ABHD8: variants seen among roughly 807,000 people sequenced by gnomAD.
ABHD8 encodes the protein abhydrolase domain containing 8.
In ABHD8, 10 loss-of-function variants were observed where a neutral mutation model predicts 29.3. The ratio of observed to expected loss-of-function variants is 0.34; its 90% confidence interval spans 0.21 to 0.58. The LOEUF is 0.58. Among genes scored for constraint, ABHD8 ranks in the 20% least tolerant of loss-of-function variants. ABHD8 has a pLI of 0.85. For missense variants in ABHD8, 556 were observed against 615.3 expected, an observed-to-expected ratio of 0.90 and a Z score of 1.02; for synonymous variants, 282 against 274.6, an observed-to-expected ratio of 1.03 and a Z score of -0.27.
At chr19:17,294,215 C>T (rs1431925102) in intron 4 of ABHD8, 73 bp downstream of exon 4, 5 of 1,525,580 alleles carry the variant, frequency 3.3e-6, no homozygotes, top group African/African-American at 1.4e-5. Flanking sequence ...CCACGCCCCC[C>T]GCAGAGGCCA....
intron 1 of ABHD8, 162 bp downstream of exon 1, chr19:17,303,080 G>T (rs879470992): frequency 5.9e-5 from 9 of 151,814 alleles, no homozygotes; most frequent in Admixed American, 5.2e-4. Flanking sequence ...CCCCGCCCCC[G>T]GCCCCCGCCT....
intron 2 of ABHD8, among the ~76,000 whole-genome samples, chr19:17,295,593 A>C (rs1229980867): frequency 6.6e-6 from 1 of 151,776 alleles, no homozygotes; most frequent in African/African-American, 2.4e-5. Flanking sequence ...TTTTTAGTAG[A>C]CACAGGGTTT....
intron 2 of ABHD8, chr19:17,296,369 A>T (rs1386048713): frequency 1.3e-5 from 2 of 152,182 alleles, no homozygotes; most frequent in Non-Finnish European, 2.9e-5. Context: ...CAGATTCTTC[A>T]AGCCACCATG....
rs992625214 is a variant in ABHD8, at chr19:17,292,517, C to G, written c.*144G>C. On this transcript the variant is annotated 3_prime_UTR_variant, in exon 5 of 5. Transcript: ENST00000247706. The stretch of plus-strand genomic sequence containing the variant: ...CCTCGGATGCCACGCCCCGCCCAGG[C>G]AGCCTGGGGGCGTCTCCCTGACCTG... The G allele has an allele frequency of 2.1e-6, 2 of 973,694 alleles. No homozygotes were observed. Among genetic ancestry groups the G allele is most frequent in the Non-Finnish European group, 2.8e-6 (2 of 705,704 alleles). 60.3% of individuals were successfully genotyped at this position (973,694 alleles called of 1,614,324 possible).
chr19:17,297,295 G>GT (rs1311647273), intron 2 of ABHD8, among the ~76,000 whole-genome samples: 8 of 151,678 alleles, frequency 5.3e-5, no homozygotes, highest in African/African-American at 1.5e-4. Context: ...TGTTTTTTTT[G>GT]TTTTTTTGTT....
chr19:17,292,860 C>A (rs780356504), intron 4 of ABHD8, 29 bp from the exon 5 acceptor site: 3 of 1,599,704 alleles, frequency 1.9e-6, no homozygotes, highest in Admixed American at 1.7e-5. Context: ...TCAAGGTAGG[C>A]GGGGGCAAGA....
At chr19:17,299,111 T>C (rs1282467535) in intron 2 of ABHD8, among the ~76,000 whole-genome samples, 2 of 151,988 alleles carry the variant, frequency 1.3e-5, no homozygotes, top group Admixed American at 1.3e-4. Context: ...TGATTACATA[T>C]GCTAATGGGA....
Position 17,301,106 on chromosome 19 carries a change from C to A in ABHD8, c.511G>T (p.Gly171Cys), listed in dbSNP as rs1174711087. 6.2e-7 allele frequency: 1 copy of A among 1,613,314 alleles called. No homozygotes were observed. Among genetic ancestry groups the A allele is most frequent in the East Asian group, 2.2e-5 (1 of 44,888 alleles). ...DCEKRITSCK[G>C]AQADVVLFFI... ...AAGAGCACCACGTCGGCCTGGGCGC[C>A]TTTGCAGCTAGTGATGCGCTTCTCA... Residue 171 changes from glycine to cysteine, a missense_variant, in exon 2 of 5, where the codon GGC becomes TGC. This residue lies in a region of ABHD8 where 286 missense variants were observed against 261.4 expected (regional missense o/e 1.09). Transcript: ENST00000247706.
intron 2 of ABHD8, among the ~76,000 whole-genome samples, chr19:17,298,921 T>C (rs1055000687): frequency 3.9e-5 from 6 of 151,924 alleles, no homozygotes; most frequent in African/African-American, 4.8e-5. Context: ...TTTGTACTTT[T>C]AGTAGAGATG....
intron 4 of ABHD8, among the ~76,000 whole-genome samples, chr19:17,293,067 A>G (rs1260601824): frequency 1.3e-5 from 2 of 151,046 alleles, no homozygotes; most frequent in Non-Finnish European, 2.9e-5. Context: ...GTATGCCAGG[A>G]GAAGGATTTT....
Position 17,301,572 on chromosome 19 carries a change from G to T in ABHD8, c.45C>A (p.Gly15=). 6.3e-7 allele frequency: 1 copy of T among 1,593,394 alleles called. No individual in the cohort carries two copies. ...GTGGCCCCACGGCGTTGGGGGGCGT[G>T]CCCAGCAGGCAACAGAAGATACCGT... ...VTDGIFCCLL[G]TPPNAVGPLE... is the part of the protein sequence containing the mutation. Residue 15 remains glycine (G), a synonymous_variant, in exon 2 of 5, where the codon GGC becomes GGA. Coordinates refer to ENST00000247706, the MANE Select transcript of ABHD8 (RefSeq NM_024527.5).
chr19:17,294,547 C>T lies in ABHD8; in HGVS notation c.933-43G>A, dbSNP rs371746284. On this transcript the variant is annotated intron_variant, in intron 3 of 4. Coordinates refer to ENST00000247706, the MANE Select transcript of ABHD8 (RefSeq NM_024527.5). The stretch of plus-strand genomic sequence containing the variant: ...ACCGCTAGAGCCCCTTATGCCAGCC[C>T]GACTGCCGTGGGGTGCCCCCGATGC... The T allele has an allele frequency of 2.5e-6, 4 of 1,612,030 alleles. No homozygotes were observed. The African/African-American group carries it at 4.0e-5, about 16-fold the overall frequency.
At position 17,292,344 on chromosome 19, in the gene ABHD8, T is replaced by G. The variant is rs1599520886; in HGVS notation, c.*317A>C. 14 of 397,170 alleles carry G rather than the reference T, an allele frequency of 3.5e-5. No individual in the cohort carries two copies. The highest frequency in any genetic ancestry group is 1.1e-4 in the African/African-American group (5 of 44,380). 24.6% of individuals were successfully genotyped at this position (397,170 alleles called of 1,614,324 possible). A position where few individuals can be genotyped will look rare whatever the true frequency, so the allele number is the denominator to read the frequency against. On this transcript the variant is annotated 3_prime_UTR_variant, in exon 5 of 5. Transcript: ENST00000247706. ...ACGGCTGACACGGAAGACAGCGGGG[T>G]GGGGGGCCTGCCTTGGCCGTGGCGT...
Position 17,292,451 on chromosome 19 carries a change from C to T in ABHD8, c.*210G>A. Reference sequence around the variant, plus strand: ...CTGCGGCCCCAAAACGCCGATGGGCCCCGCGGGACGGAAGCGGAGAGCGGA... The same window carrying T: ...CTGCGGCCCCAAAACGCCGATGGGCTCCGCGGGACGGAAGCGGAGAGCGGA... On this transcript the variant is annotated 3_prime_UTR_variant, in exon 5 of 5. Transcript: ENST00000247706. The T allele has an allele frequency of 1.7e-6, 1 of 586,154 alleles. No homozygotes were observed. Among genetic ancestry groups the T allele is most frequent in the Non-Finnish European group, 2.8e-6 (1 of 359,606 alleles). The allele number at this position is 586,154 out of a possible 1,614,324, so 36.3% of individuals were successfully genotyped here.
At position 17,301,113 on chromosome 19, in the gene ABHD8, G is replaced by A. The variant is rs575924100; in HGVS notation, c.504C>T (p.Ser168=). The change falls in exon 2 of 5, where the codon AGC becomes AGT. Residue 168 remains serine, a synonymous_variant. Transcript: ENST00000247706. ...CCACGTCGGCCTGGGCGCCTTTGCAGCTAGTGATGCGCTTCTCACAGTCAA... is the reference window on the plus strand; with the variant it reads ...CCACGTCGGCCTGGGCGCCTTTGCAACTAGTGATGCGCTTCTCACAGTCAA... ...IHIDCEKRIT[S]CKGAQADVVL... 3.7e-6 allele frequency: 6 copies of A among 1,613,194 alleles called. No homozygotes were observed. The East Asian group carries it at 1.1e-4, about 30-fold the overall frequency.
At chr19:17,294,647 T>C (rs780129673) in intron 3 of ABHD8, 28 bp downstream of exon 3, 1 of 1,611,264 alleles carries the variant, frequency 6.2e-7, no homozygotes, top group Middle Eastern at 1.7e-4. Flanking sequence ...AGGGCCAGGA[T>C]CACGGTCTTT....
chr19:17,302,923 G>C (rs922889589), intron 1 of ABHD8: 3 of 152,520 alleles, frequency 2.0e-5, no homozygotes, highest in African/African-American at 7.2e-5. Flanking sequence ...CCCCAGGTTG[G>C]GCGCCGCTAA....
chr19:17,292,957 C>T, intron 4 of ABHD8, 126 bp from the exon 5 acceptor site: 2 of 1,062,162 alleles, frequency 1.9e-6, no homozygotes, highest in Non-Finnish European at 2.6e-6. Flanking sequence ...ATCTACCCTG[C>T]ATCTCTCCAC....
intron 1 of ABHD8, among the ~76,000 whole-genome samples, chr19:17,302,575 C>CA (rs2074125737): frequency 6.6e-6 from 1 of 152,208 alleles, no homozygotes; most frequent in Non-Finnish European, 1.5e-5. Flanking sequence ...CCTTGCTCAG[C>CA]TCCCCTAGAC....
Sources: gnomAD v4.1 joint callset for allele counts (sites outside exome capture counted in the v4.1 genomes callset) on GRCh38, gnomAD v4.1.1 for gene constraint, gnomAD v4.1.1 regional missense constraint, MANE v1.5 for transcripts, NCBI Gene and HGNC (gene_info 2026-07-23, HGNC 2026-07-21) for gene names.